ACACA: variants seen among roughly 807,000 people sequenced by gnomAD.
The protein encoded by ACACA is acetyl-CoA carboxylase alpha.
Under a neutral mutation model 296.1 loss-of-function variants are expected in ACACA, and 103 were observed. That is an observed-to-expected ratio of 0.35 (90% confidence interval 0.30 to 0.41). ACACA has a LOEUF of 0.41. Among genes scored for constraint, ACACA ranks in the 10% least tolerant of loss-of-function variants. The pLI, the probability that ACACA is intolerant of heterozygous loss-of-function variation, is 1.00. For synonymous variants in ACACA, 953 were observed against 1,038.6 expected (o/e 0.92, Z 1.58); for missense variants, 1,554 against 2,989.7 (o/e 0.52, Z 11.20).
chr17:37,114,451 G>A (rs2074137779), intron 50 of ACACA, among the ~76,000 whole-genome samples: 1 of 151,104 alleles, frequency 6.6e-6, no homozygotes, highest in African/African-American at 2.4e-5. Context: ...GAGGATCTGA[G>A]CCTAGGAGGC....
chr17:37,228,786 C>T (rs1044845684), intron 25 of ACACA, among the ~76,000 whole-genome samples: 8 of 152,064 alleles, frequency 5.3e-5, no homozygotes, highest in South Asian at 2.1e-4. Flanking sequence ...TGCCACAACT[C>T]GACTCCTCTG....
chr17:37,107,306 A>G (rs1366282417), intron 52 of ACACA, among the ~76,000 whole-genome samples: 2 of 152,244 alleles, frequency 1.3e-5, no homozygotes, highest in Non-Finnish European at 2.9e-5. Context: ...GATGGACATA[A>G]GAGTTGGAAA....
chr17:37,303,406 T>C (rs529708952), intron 3 of ACACA, among the ~76,000 whole-genome samples: 29 of 152,366 alleles, frequency 1.9e-4, no homozygotes, highest in Non-Finnish European at 3.4e-4. Context: ...TTAATGGATA[T>C]TGGGTTGTTT....
chr17:37,150,031 G>C (rs1368180339), intron 44 of ACACA, 57 bp from the exon 45 acceptor site: 6 of 1,479,948 alleles, frequency 4.1e-6, no homozygotes, highest in Non-Finnish European at 4.7e-6. Context: ...GAAGCTATAA[G>C]AACTAAGGCA....
chr17:37,383,911 T>C (rs1568085431), intron 1 of ACACA, among the ~76,000 whole-genome samples: 1 of 152,164 alleles, frequency 6.6e-6, no homozygotes, highest in African/African-American at 2.4e-5. Context: ...GTTTGAAACT[T>C]CCTATCCTGA....
chr17:37,354,608 A>G (rs533501192), intron 1 of ACACA, among the ~76,000 whole-genome samples: 72 of 152,320 alleles, frequency 4.7e-4, no homozygotes, highest in Admixed American at 1.3e-3. Flanking sequence ...AAGCGAATAC[A>G]GTACTCATTA....
chr17:37,167,145 A>G (rs2076701947), intron 41 of ACACA, among the ~76,000 whole-genome samples: 1 of 112,120 alleles, frequency 8.9e-6, no homozygotes, highest in Admixed American at 1.0e-4. Flanking sequence ...TTTTTTTGGT[A>G]CAGATGGGGT....
chr17:37,187,767 A>C (rs1043737672), intron 39 of ACACA, among the ~76,000 whole-genome samples: 2 of 152,238 alleles, frequency 1.3e-5, no homozygotes, highest in African/African-American at 2.4e-5. Flanking sequence ...AAACAGAAAC[A>C]GAACACAATA....
At chr17:37,237,694 TA>T (rs2080178117) in intron 24 of ACACA, among the ~76,000 whole-genome samples, 1 of 152,234 alleles carries the variant, frequency 6.6e-6, no homozygotes, top group Admixed American at 6.5e-5. Flanking sequence ...ACCAATTCTC[TA>T]GATACTTCTA....
intron 3 of ACACA, among the ~76,000 whole-genome samples, chr17:37,305,365 T>A: frequency 6.6e-6 from 1 of 152,158 alleles, no homozygotes; most frequent in East Asian, 1.9e-4. Flanking sequence ...CTCATTTTCT[T>A]TTTATTTCTT....
At chr17:37,311,057 C>A (rs927123578) in intron 3 of ACACA, among the ~76,000 whole-genome samples, 2 of 152,080 alleles carry the variant, frequency 1.3e-5, no homozygotes, top group Non-Finnish European at 2.9e-5. Context: ...AGGATGAGAA[C>A]TGAAAAGCAT....
intron 1 of ACACA, among the ~76,000 whole-genome samples, chr17:37,351,138 A>AAAAAT (rs1491512162): frequency 1.3e-5 from 2 of 152,112 alleles, no homozygotes; most frequent in South Asian, 2.1e-4. Context: ...AGATTGTCTC[A>AAAAAT]AAAATAAAAT....
intron 2 of ACACA, among the ~76,000 whole-genome samples, chr17:37,336,130 G>A (rs559302108): frequency 6.6e-6 from 1 of 152,114 alleles, no homozygotes; most frequent in South Asian, 2.1e-4. Flanking sequence ...ACTACAAATC[G>A]TTCTTCAAAT....
chr17:37,235,367 C>T (rs1179869628), intron 24 of ACACA, among the ~76,000 whole-genome samples: 1 of 151,972 alleles, frequency 6.6e-6, no homozygotes, highest in Non-Finnish European at 1.5e-5. Context: ...ATCATTTTAC[C>T]TCTCTGGGCC....
chr17:37,326,940 T>C (rs2047651458), intron 3 of ACACA, among the ~76,000 whole-genome samples: 1 of 152,160 alleles, frequency 6.6e-6, no homozygotes, highest in African/African-American at 2.4e-5. Context: ...TATTTTCTAT[T>C]TGGGCTCATC....
Position 37,356,189 on chromosome 17 carries a change from T to A in ACACA, c.39-16339A>T, listed in dbSNP as rs575320395. 1.1e-4 allele frequency among the ~76,000 whole-genome samples: 16 copies of A among 152,062 alleles called. No individual in the cohort carries two copies. The South Asian group carries it at 3.3e-3, about 32-fold the overall frequency. The stretch of plus-strand genomic sequence containing the variant: ...ACTCCAAAAAATAATAAAATAAAAT[T>A]AAATTGAAACAAGCAAAAAACCAGT... On this transcript the variant is annotated intron_variant, in intron 1 of 55. Transcript: ENST00000616317.
chr17:37,240,548 G>A lies in ACACA; in HGVS notation c.3049C>T (p.Arg1017Ter), dbSNP rs2080343463. 1.9e-6 allele frequency: 3 copies of A among 1,612,982 alleles called. No homozygotes were observed. Among genetic ancestry groups the A allele is most frequent in the Non-Finnish European group, 2.5e-6 (3 of 1,179,878 alleles). ...ATCACCACAGCCTTCATGTGGCCTC[G>A]GATGCCACTTCGGTACCTAGGCAAA... is the stretch of plus-strand genomic sequence containing the variant. ...QLVQRYRSGI[R>*]GHMKAVVMDL... The change falls in exon 24 of 56, where the codon CGA becomes TGA. Residue 1017 changes from arginine (R) to a stop codon, truncating the protein, a stop_gained. Transcript: ENST00000616317. LOFTEE classifies it high-confidence loss of function.
intron 24 of ACACA, among the ~76,000 whole-genome samples, chr17:37,238,859 G>C (rs922914022): frequency 2.0e-5 from 3 of 152,094 alleles, no homozygotes; most frequent in Non-Finnish European, 4.4e-5. Flanking sequence ...ACAGGGTCTT[G>C]CTCTGTTGCC....
intron 28 of ACACA, among the ~76,000 whole-genome samples, chr17:37,223,001 T>C (rs1338756251): frequency 6.6e-6 from 1 of 152,184 alleles, no homozygotes; most frequent in Non-Finnish European, 1.5e-5. Context: ...TCTTCTTACT[T>C]CCTAAAGTAA....
Sources: allele counts gnomAD v4.1 joint callset (sites outside exome capture counted in the v4.1 genomes callset), GRCh38; gene constraint gnomAD v4.1.1; transcripts MANE v1.5; gene names NCBI Gene and HGNC (gene_info 2026-07-23, HGNC 2026-07-21).